NXPH1: variants seen among roughly 807,000 people sequenced by gnomAD.
NXPH1 encodes the protein neurexophilin 1.
NXPH1 carries 5 observed loss-of-function variants against 23.7 expected under a neutral mutation model. The ratio of observed to expected loss-of-function variants is 0.21; its 90% CI spans 0.11 to 0.44. The LOEUF (loss-of-function observed/expected upper bound fraction) is 0.44, where lower values mean the gene tolerates loss of function less well. Among genes scored for constraint, NXPH1 ranks in the 20% least tolerant of loss-of-function variants. NXPH1 has a pLI of 0.99. For synonymous variants in NXPH1, 144 were observed against 122.2 expected, an observed-to-expected ratio of 1.18 and a Z score of -1.18; for missense variants, 324 against 321.6, an observed-to-expected ratio of 1.01 and a Z score of -0.06.
intron 2 of NXPH1, among the ~76,000 whole-genome samples, chr7:8,711,961 T>C (rs1268058372): frequency 2.0e-5 from 3 of 152,242 alleles, no homozygotes; most frequent in Admixed American, 6.5e-5. Context: ...GAGGCAATTA[T>C]GTTCACATTA....
At chr7:8,740,402 T>G (rs982034358) in intron 2 of NXPH1, among the ~76,000 whole-genome samples, 23 of 152,298 alleles carry the variant, frequency 1.5e-4, no homozygotes, top group Non-Finnish European at 2.4e-4. Context: ...TACATACAAA[T>G]TTTTCAGTTT....
At chr7:8,730,449 A>T (rs1443412841) in intron 2 of NXPH1, among the ~76,000 whole-genome samples, 2 of 151,778 alleles carry the variant, frequency 1.3e-5, no homozygotes, top group African/African-American at 4.8e-5. Flanking sequence ...TGGTCTTTAC[A>T]TTTTGGCATG....
At chr7:8,584,933 G>T (rs2128624397) in intron 2 of NXPH1, among the ~76,000 whole-genome samples, 1 of 152,154 alleles carries the variant, frequency 6.6e-6, no homozygotes, top group African/African-American at 2.4e-5. Context: ...GAATTGCTTT[G>T]GTAACCAGGA....
At chr7:8,438,420 T>C (rs554851996) in intron 2 of NXPH1, among the ~76,000 whole-genome samples, 3 of 152,340 alleles carry the variant, frequency 2.0e-5, no homozygotes, top group Non-Finnish European at 4.4e-5. Flanking sequence ...TTTAATTTTC[T>C]CTTGAACTGA....
intron 2 of NXPH1, among the ~76,000 whole-genome samples, chr7:8,544,689 T>C (rs1273051072): frequency 6.6e-6 from 1 of 151,602 alleles, no homozygotes; most frequent in African/African-American, 2.4e-5. Flanking sequence ...ATTTTACTTA[T>C]CAGTTCTAAA....
At chr7:8,534,691 C>T (rs1818001543) in intron 2 of NXPH1, among the ~76,000 whole-genome samples, 1 of 152,070 alleles carries the variant, frequency 6.6e-6, no homozygotes, top group African/African-American at 2.4e-5. Flanking sequence ...AATTATCGTA[C>T]TCTCAAATAT....
At chr7:8,503,499 C>T (rs76280904) in intron 2 of NXPH1, among the ~76,000 whole-genome samples, 151 of 152,080 alleles carry the variant, frequency 9.9e-4, no homozygotes, top group Non-Finnish European at 1.8e-3. Flanking sequence ...TCTTTAAAGT[C>T]CTGGAACTAT....
chr7:8,707,397 A>G (rs1779721469), intron 2 of NXPH1, among the ~76,000 whole-genome samples: 1 of 152,198 alleles, frequency 6.6e-6, no homozygotes, highest in African/African-American at 2.4e-5. Flanking sequence ...AAGACATGTT[A>G]TAAGTGCATG....
intron 2 of NXPH1, among the ~76,000 whole-genome samples, chr7:8,634,074 T>C (rs1820176517): frequency 6.6e-6 from 1 of 152,194 alleles, no homozygotes; most frequent in South Asian, 2.1e-4. Flanking sequence ...ATCTGTCTCA[T>C]GACAATTTCT....
rs2115237365 is a variant in NXPH1 at position 8,752,118 on chromosome 7, C to G, written c.*349C>G. Reference sequence around the variant, plus strand: ...CTGACTCATAATGGTTCAGGATCAACTATCATCAAACGGAAGGATTAACTA... The same window carrying G: ...CTGACTCATAATGGTTCAGGATCAAGTATCATCAAACGGAAGGATTAACTA... On this transcript the variant is annotated 3_prime_UTR_variant, in exon 3 of 3. Coordinates refer to ENST00000405863, the MANE Select transcript of NXPH1 (RefSeq NM_152745.3). 1 of 207,762 alleles carries G rather than the reference C, an allele frequency of 4.8e-6. No homozygotes were observed. The highest frequency in any genetic ancestry group is 9.9e-6 in the Non-Finnish European group (1 of 100,998). 12.9% of individuals were successfully genotyped at this position (207,762 alleles called of 1,614,324 possible).
rs191878364 is a variant in NXPH1, at chr7:8,723,617, A to G, written c.55-27391A>G. ...ACCTTTTCTTCTTGTGCCACTGTGC[A>G]TGATTACAGAATTACACAAAACCTC... is the stretch of plus-strand genomic sequence containing the variant. On this transcript the variant is annotated intron_variant, in intron 2 of 2. Coordinates refer to ENST00000405863, the MANE Select transcript of NXPH1 (RefSeq NM_152745.3). Among the ~76,000 whole-genome samples, 209 of 152,288 alleles carry G rather than the reference A, an allele frequency of 1.4e-3. 2 individuals carry two copies. The highest frequency in any genetic ancestry group is 2.8e-4 in the Non-Finnish European group (19 of 68,022).
rs530516792 is a variant in NXPH1, at chr7:8,571,824, A to C, written c.54+136057A>C. On this transcript the variant is annotated intron_variant, in intron 2 of 2. Transcript: ENST00000405863. Reference sequence around the variant, plus strand: ...GACTTGGCAGGAATTCAAGCTCTGGAATTGGAGAGGTTAAGGAGTCCTAGT... The same window carrying C: ...GACTTGGCAGGAATTCAAGCTCTGGCATTGGAGAGGTTAAGGAGTCCTAGT... Among the ~76,000 whole-genome samples, 6 of 151,828 alleles carry C rather than the reference A, an allele frequency of 4.0e-5. No homozygotes were observed. In the South Asian group the frequency reaches 8.3e-4, roughly 21 times the overall value.
intron 2 of NXPH1, among the ~76,000 whole-genome samples, chr7:8,514,084 C>T (rs1817654105): frequency 6.6e-6 from 1 of 152,054 alleles, no homozygotes; most frequent in Non-Finnish European, 1.5e-5. Context: ...TGGGGTCTAT[C>T]CTAATCATCT....
At chr7:8,612,783 G>A (rs1819648422) in intron 2 of NXPH1, among the ~76,000 whole-genome samples, 1 of 151,994 alleles carries the variant, frequency 6.6e-6, no homozygotes, top group Non-Finnish European at 1.5e-5. Context: ...AATAAAGAGA[G>A]ACACAGAGGT....
rs115655920 is a variant in NXPH1, at chr7:8,709,154, T to A, written c.55-41854T>A. Among the ~76,000 whole-genome samples, 1,428 of 152,344 alleles carry A rather than the reference T, an allele frequency of 9.4e-3. 13 individuals carry two copies. The highest frequency in any genetic ancestry group is 0.032 in the African/African-American group (1,332 of 41,570). On this transcript the variant is annotated intron_variant, in intron 2 of 2. Transcript: ENST00000405863. ...TAAGAGTATTTGTTATTGTTTTCAA[T>A]CTTTTGAACACTGTTGATTGTTGGT...
At chr7:8,659,699 T>A (rs1041300923) in intron 2 of NXPH1, among the ~76,000 whole-genome samples, 22 of 152,224 alleles carry the variant, frequency 1.4e-4, no homozygotes, top group Non-Finnish European at 2.5e-4. Context: ...ACCTGCACGT[T>A]GTGCACATGT....
intron 2 of NXPH1, among the ~76,000 whole-genome samples, chr7:8,451,594 T>A (rs867651294): frequency 6.6e-5 from 10 of 152,226 alleles, no homozygotes; most frequent in Non-Finnish European, 8.8e-5. Flanking sequence ...GCATTAGTCT[T>A]TTGTCTGAGT....
At chr7:8,489,323 T>C (rs767636705) in intron 2 of NXPH1, among the ~76,000 whole-genome samples, 1 of 152,084 alleles carries the variant, frequency 6.6e-6, no homozygotes, top group African/African-American at 2.4e-5. Context: ...CATAGCACCA[T>C]TGAGTTATCT....
intron 2 of NXPH1, among the ~76,000 whole-genome samples, chr7:8,470,364 A>G (rs1011172682): frequency 5.9e-5 from 9 of 152,190 alleles, no homozygotes; most frequent in African/African-American, 2.2e-4. Context: ...CAAGAGTAAC[A>G]GACTAACATT....
Sources: allele counts gnomAD v4.1 joint callset (sites outside exome capture counted in the v4.1 genomes callset), GRCh38; gene constraint gnomAD v4.1.1; transcripts MANE v1.5; gene names NCBI Gene and HGNC (gene_info 2026-07-23, HGNC 2026-07-21).